The following TAFA1 variants were observed in gnomAD, a reference collection of about 807,000 sequenced individuals.
TAFA1 encodes the protein TAFA chemokine like family member 1.
Under a neutral mutation model 18.5 loss-of-function variants are expected in TAFA1, and 4 were observed. The observed-to-expected ratio is 0.22, with a 90% CI of 0.11 to 0.49. The LOEUF (loss-of-function observed/expected upper bound fraction) is 0.49, where lower values mean the gene tolerates loss of function less well. Among genes scored for constraint, TAFA1 ranks in the 20% least tolerant of loss-of-function variants. The pLI, the probability that TAFA1 is intolerant of heterozygous loss-of-function variation, is 0.98. For synonymous variants in TAFA1, 56 were observed against 55.2 expected (o/e 1.01, Z -0.06); for missense variants, 147 against 169.0 (o/e 0.87, Z 0.72).
intron 2 of TAFA1, among the ~76,000 whole-genome samples, chr3:68,081,872 C>G (rs1272630040): frequency 6.6e-6 from 1 of 152,210 alleles, no homozygotes; most frequent in Non-Finnish European, 1.5e-5. Flanking sequence ...CTTTGTTTAC[C>G]TAATCAAGCC....
At chr3:68,056,167 T>C (rs1198957502) in intron 2 of TAFA1, among the ~76,000 whole-genome samples, 1 of 152,168 alleles carries the variant, frequency 6.6e-6, no homozygotes, top group Non-Finnish European at 1.5e-5. Flanking sequence ...GTCTCAGCAG[T>C]TATGATTTCA....
rs575838277 is a variant in TAFA1 at position 68,211,428 on chromosome 3, T to C, written c.118+204684T>C. Among the ~76,000 whole-genome samples, 6 of 152,186 alleles carry C rather than the reference T, an allele frequency of 3.9e-5. No individual in the cohort carries two copies. In the South Asian group the frequency reaches 1.2e-3, roughly 32 times the overall value. ...TGCCTTCATTTTCATAATGATTCCG[T>C]CTGAATTTGGATATTTGAAAATATT... On this transcript the variant is annotated intron_variant, in intron 2 of 4. Transcript: ENST00000478136.
At chr3:68,419,769 G>T (rs755969892) in intron 3 of TAFA1, among the ~76,000 whole-genome samples, 34 of 152,134 alleles carry the variant, frequency 2.2e-4, no homozygotes, top group Non-Finnish European at 3.1e-4. Flanking sequence ...TCAGTAGGTG[G>T]TTAGAAAGAG....
At position 68,005,415 on chromosome 3, in the gene TAFA1, T is replaced by C. The variant is rs531101913; in HGVS notation, c.-4+713T>C. Among the ~76,000 whole-genome samples, 31 of 152,342 alleles carry C rather than the reference T, an allele frequency of 2.0e-4. No homozygotes were observed. The East Asian group carries it at 5.2e-3, about 26-fold the overall frequency. ...TATAGTTGTCACCATTTGTCTATTA[T>C]AGTCCTAAAATCCTTCCAAGACTGC... On this transcript the variant is annotated intron_variant, in intron 1 of 4. Transcript: ENST00000478136.
chr3:68,009,978 C>T (rs768688527), intron 2 of TAFA1, among the ~76,000 whole-genome samples: 3 of 152,116 alleles, frequency 2.0e-5, no homozygotes, highest in Admixed American at 6.6e-5. Context: ...TTTCTCAAAT[C>T]GGTTAAAACA....
intron 2 of TAFA1, among the ~76,000 whole-genome samples, chr3:68,307,530 A>AT (rs2068442000): frequency 6.6e-6 from 1 of 152,156 alleles, no homozygotes; most frequent in Non-Finnish European, 1.5e-5. Flanking sequence ...TGACATGTTA[A>AT]TTTTTTCAAA....
chr3:68,105,570 A>G (rs2065193938), intron 2 of TAFA1, among the ~76,000 whole-genome samples: 1 of 152,210 alleles, frequency 6.6e-6, no homozygotes, highest in Non-Finnish European at 1.5e-5. Flanking sequence ...CATAGAAGGT[A>G]TTGTGACAAA....
intron 2 of TAFA1, among the ~76,000 whole-genome samples, chr3:68,245,834 G>A (rs926714285): frequency 6.6e-6 from 1 of 152,182 alleles, no homozygotes; most frequent in Non-Finnish European, 1.5e-5. Flanking sequence ...CGTGTTTTGC[G>A]AAATGTATAA....
intron 2 of TAFA1, among the ~76,000 whole-genome samples, chr3:68,310,315 C>T (rs993969230): frequency 6.6e-6 from 1 of 152,008 alleles, no homozygotes; most frequent in Admixed American, 6.6e-5. Context: ...TTCTCAATTA[C>T]CAGTATCAGC....
At chr3:68,308,983 C>T (rs995639423) in intron 2 of TAFA1, among the ~76,000 whole-genome samples, 1 of 152,206 alleles carries the variant, frequency 6.6e-6, no homozygotes, top group African/African-American at 2.4e-5. Context: ...AGTTGCTTCA[C>T]ATCCCTAGAA....
chr3:68,472,762 C>T (rs2072024925), intron 3 of TAFA1, among the ~76,000 whole-genome samples: 1 of 152,070 alleles, frequency 6.6e-6, no homozygotes, highest in African/African-American at 2.4e-5. Flanking sequence ...AATCAGTTAG[C>T]TCAATGTGTG....
rs1488174222 is a variant in TAFA1 at position 68,512,900 on chromosome 3, G to T, written c.260-25856G>T. On this transcript the variant is annotated intron_variant, in intron 3 of 4. Coordinates refer to ENST00000478136, the MANE Select transcript of TAFA1 (RefSeq NM_213609.4). Reference sequence around the variant, plus strand: ...AAAAAATTCACCTTTGGAGAACTTTGTCCATCTCCACCTTTGTACATTTTT... The same window carrying T: ...AAAAAATTCACCTTTGGAGAACTTTTTCCATCTCCACCTTTGTACATTTTT... 2.0e-5 allele frequency among the ~76,000 whole-genome samples: 3 copies of T among 151,976 alleles called. No homozygotes were observed. In the East Asian group the frequency reaches 5.8e-4, roughly 29 times the overall value.
chr3:68,396,592 A>G (rs2070387558), intron 2 of TAFA1, among the ~76,000 whole-genome samples: 1 of 152,304 alleles, frequency 6.6e-6, no homozygotes, highest in African/African-American at 2.4e-5. Flanking sequence ...GCAGTAACAT[A>G]CCACAATTTA....
intron 2 of TAFA1, among the ~76,000 whole-genome samples, chr3:68,132,420 A>G: frequency 6.6e-6 from 1 of 152,164 alleles, no homozygotes; most frequent in East Asian, 1.9e-4. Context: ...GTCAAATGGT[A>G]TTTCTGGTTC....
At chr3:68,237,715 T>A (rs1322874981) in intron 2 of TAFA1, among the ~76,000 whole-genome samples, 1 of 152,164 alleles carries the variant, frequency 6.6e-6, no homozygotes, top group Non-Finnish European at 1.5e-5. Flanking sequence ...TATTCCTTAT[T>A]GTTAAAAAGT....
intron 2 of TAFA1, among the ~76,000 whole-genome samples, chr3:68,129,060 T>G (rs772509040): frequency 1.3e-5 from 2 of 152,058 alleles, no homozygotes; most frequent in African/African-American, 4.8e-5. Context: ...TTGTCAGGAG[T>G]TGGGCTAAGT....
At chr3:68,143,962 G>C (rs1020384096) in intron 2 of TAFA1, among the ~76,000 whole-genome samples, 1 of 150,686 alleles carries the variant, frequency 6.6e-6, no homozygotes, top group African/African-American at 2.4e-5. Flanking sequence ...TGCTCTTTAT[G>C]TCAGCAGGAA....
chr3:68,357,018 T>C (rs1345720939), intron 2 of TAFA1, among the ~76,000 whole-genome samples: 1 of 151,830 alleles, frequency 6.6e-6, no homozygotes, highest in Non-Finnish European at 1.5e-5. Context: ...AACAAAACCT[T>C]TAAGGTTGAT....
intron 2 of TAFA1, among the ~76,000 whole-genome samples, chr3:68,360,971 G>T (rs2069457074): frequency 6.6e-6 from 1 of 151,922 alleles, no homozygotes; most frequent in Non-Finnish European, 1.5e-5. Context: ...TTTTGACGAT[G>T]GATAAAGTGT....
Sources: allele counts gnomAD v4.1 joint callset (sites outside exome capture counted in the v4.1 genomes callset), GRCh38; gene constraint gnomAD v4.1.1; transcripts MANE v1.5; gene names NCBI Gene and HGNC (gene_info 2026-07-23, HGNC 2026-07-21).